The following GATA4 variants were observed in gnomAD, a reference collection of about 807,000 sequenced individuals.
GATA4 encodes GATA binding protein 4, also known as transcription factor GATA-4.
GATA4 carries 7 observed loss-of-function variants against 37.9 expected under a neutral mutation model. The observed-to-expected ratio is 0.18, with a 90% CI of 0.11 to 0.35. GATA4 has a LOEUF of 0.35. Among genes scored for constraint, GATA4 ranks in the 10% least tolerant of loss-of-function variants. GATA4 has a pLI of 1.00. For synonymous variants in GATA4, 372 were observed against 292.6 expected, an observed-to-expected ratio of 1.27 and a Z score of -2.77; for missense variants, 647 against 653.0, an observed-to-expected ratio of 0.99 and a Z score of 0.10.
chr8:11,750,457 A>C (rs1304391534), intron 4 of GATA4, among the ~76,000 whole-genome samples: 45 of 152,370 alleles, frequency 3.0e-4, no homozygotes, highest in Non-Finnish European at 2.9e-5. Context: ...TATATGTAGC[A>C]GTTTGATGTG....
At chr8:11,692,691 C>T (rs1799356464) in intron 1 of GATA4, 2 of 948,114 alleles carry the variant, frequency 2.1e-6, no homozygotes, top group Non-Finnish European at 2.5e-6. Context: ...GTGAGGGGTG[C>T]GGGGCTGCTC....
In GATA4 at chr8:11,739,749, G is replaced by GGAGCTTCTGTCGTGTGCA. The variant is rs1402955133; in HGVS notation, c.617-9150_617-9149insAGAGCTTCTGTCGTGTGC. Among the ~76,000 whole-genome samples, 365 of 115,614 alleles carry GGAGCTTCTGTCGTGTGCA rather than the reference G, an allele frequency of 3.2e-3. 2 individuals are homozygous for GGAGCTTCTGTCGTGTGCA. The highest frequency in any genetic ancestry group is 2.7e-3 in the Non-Finnish European group (155 of 56,532). 75.8% of individuals were successfully genotyped at this position (115,614 alleles called of 152,430 possible). A position where few individuals can be genotyped will look rare whatever the true frequency, so the allele number is the denominator to read the frequency against. ...TGTGTGCAGAGCTTCTGTCGTGTGC[G>GGAGCTTCTGTCGTGTGCA]GAGCTTCTGTCGTGTGCGGAGGAGT... is the stretch of plus-strand genomic sequence containing the variant. On this transcript the variant is annotated intron_variant, in intron 2 of 6. Coordinates refer to ENST00000532059, the MANE Select transcript of GATA4 (RefSeq NM_001308093.3).
intron 1 of GATA4, among the ~76,000 whole-genome samples, chr8:11,685,138 AAG>A (rs1799097800): frequency 6.6e-6 from 1 of 152,244 alleles, no homozygotes; most frequent in Non-Finnish European, 1.5e-5. Context: ...TCTAAACAAT[AAG>A]AGTTTACTTA....
intron 1 of GATA4, among the ~76,000 whole-genome samples, chr8:11,678,960 T>A (rs995896928): frequency 1.1e-4 from 17 of 152,236 alleles, no homozygotes; most frequent in African/African-American, 3.6e-4. Flanking sequence ...GTCTCAAGTA[T>A]AATAAAATAT....
At position 11,759,770 on chromosome 8, in the gene GATA4, C is replaced by G. The variant is rs1417473410; in HGVS notation, c.*1295C>G. 4.6e-5 allele frequency: 7 copies of G among 152,314 alleles called. No homozygotes were observed. The highest frequency in any genetic ancestry group is 1.7e-4 in the African/African-American group (7 of 41,454). 9.4% of individuals were successfully genotyped at this position (152,314 alleles called of 1,614,324 possible). A position where few individuals can be genotyped will look rare whatever the true frequency, so the allele number is the denominator to read the frequency against. On this transcript the variant is annotated 3_prime_UTR_variant, in exon 7 of 7. Transcript: ENST00000532059. ...TCTTTCTCAGCAGAGCTGTAGCTGA[C>G]TGTGGCATTACTACGCCTCCCCACA... is the stretch of plus-strand genomic sequence containing the variant.
At position 11,758,801 on chromosome 8, in the gene GATA4, G is replaced by T; in HGVS notation, c.*326G>T. On this transcript the variant is annotated 3_prime_UTR_variant, in exon 7 of 7. Coordinates refer to ENST00000532059, the MANE Select transcript of GATA4 (RefSeq NM_001308093.3). The stretch of plus-strand genomic sequence containing the variant: ...TGGCCTAGACCGTGGGTTTTGCATT[G>T]TGTTTCTAGCACCGAGGATCTGAGA... The T allele has an allele frequency of 2.6e-6, 1 of 391,936 alleles. No homozygotes were observed. The highest frequency in any genetic ancestry group is 4.9e-6 in the Non-Finnish European group (1 of 205,768). 24.3% of individuals were successfully genotyped at this position (391,936 alleles called of 1,614,324 possible). A position where few individuals can be genotyped will look rare whatever the true frequency, so the allele number is the denominator to read the frequency against.
At chr8:11,701,177 A>C (rs1046522886), upstream of GATA4, among the ~76,000 whole-genome samples, 1 of 151,012 alleles carries the variant, frequency 6.6e-6, no homozygotes, top group Non-Finnish European at 1.5e-5. Flanking sequence ...AGTACAGTAC[A>C]CCTAAGTAAT....
intron 2 of GATA4, among the ~76,000 whole-genome samples, chr8:11,728,423 C>A (rs758439079): frequency 2.6e-5 from 4 of 152,148 alleles, no homozygotes; most frequent in Non-Finnish European, 2.9e-5. Context: ...GGCTGGAGTG[C>A]GGTGCTGTGA....
intron 1 of GATA4, among the ~76,000 whole-genome samples, chr8:11,687,400 T>A (rs757090805): frequency 6.6e-6 from 1 of 152,154 alleles, no homozygotes; most frequent in Non-Finnish European, 1.5e-5. Flanking sequence ...TCTCCACCTG[T>A]AATCAAAATA....
At chr8:11,720,203 G>A (rs62489324) in intron 2 of GATA4, among the ~76,000 whole-genome samples, 3,076 of 151,814 alleles carry the variant, frequency 0.02, 61 homozygotes, top group African/African-American at 0.06. Flanking sequence ...ATGGTGAGAA[G>A]GACTGCTCTA....
At chr8:11,735,690 G>A (rs1801420918) in intron 2 of GATA4, among the ~76,000 whole-genome samples, 1 of 152,266 alleles carries the variant, frequency 6.6e-6, no homozygotes, top group Middle Eastern at 3.4e-3. Context: ...AGCCTCCCCA[G>A]TAGCTGGGAT....
chr8:11,696,748 T>C (rs1563192171), intron 1 of GATA4, among the ~76,000 whole-genome samples: 1 of 152,164 alleles, frequency 6.6e-6, no homozygotes, highest in East Asian at 1.9e-4. Flanking sequence ...TGCATCTGCA[T>C]TGGACGTGTG....
At chr8:11,682,556 G>A (rs1282266558) in intron 1 of GATA4, among the ~76,000 whole-genome samples, 1 of 152,140 alleles carries the variant, frequency 6.6e-6, no homozygotes, top group Non-Finnish European at 1.5e-5. Flanking sequence ...GATTTTGCTT[G>A]TAAGAAGTTT....
chr8:11,680,354 C>G (rs962239737), intron 1 of GATA4, among the ~76,000 whole-genome samples: 2 of 152,266 alleles, frequency 1.3e-5, no homozygotes, highest in Non-Finnish European at 2.9e-5. Context: ...GCCGGGGAAT[C>G]TCTGCAAGTA....
At chr8:11,699,509 G>A (rs1297575219), upstream of GATA4, among the ~76,000 whole-genome samples, 1 of 152,264 alleles carries the variant, frequency 6.6e-6, no homozygotes, top group Non-Finnish European at 1.5e-5. Flanking sequence ...GTAGGTGTTA[G>A]CAGCTCTTTC....
chr8:11,722,303 A>G (rs1239257684), intron 2 of GATA4, among the ~76,000 whole-genome samples: 1 of 152,242 alleles, frequency 6.6e-6, no homozygotes, highest in African/African-American at 2.4e-5. Flanking sequence ...AGCATATTCC[A>G]AACAGCATGT....
chr8:11,748,795 G>C, intron 2 of GATA4, 121 bp from the exon 3 acceptor site: 9 of 1,139,346 alleles, frequency 7.9e-6, no homozygotes, highest in Non-Finnish European at 1.2e-5. Context: ...GCCCGAGGTG[G>C]TCTTCTCTTT....
intron 4 of GATA4, 136 bp from the exon 5 acceptor site, chr8:11,754,910 T>C: frequency 8.4e-6 from 6 of 714,180 alleles, no homozygotes; most frequent in Non-Finnish European, 1.5e-5. Context: ...CAGGGGCCTG[T>C]GCAGCCCGTC....
chr8:11,704,708 G>A (rs62489318), intron 1 of GATA4, among the ~76,000 whole-genome samples: 4,148 of 152,338 alleles, frequency 0.027, 146 homozygotes, highest in African/African-American at 0.086. Context: ...CACATGGAGG[G>A]AAGTAGACGG....
Sources: gnomAD v4.1 joint callset for allele counts (sites outside exome capture counted in the v4.1 genomes callset) on GRCh38, gnomAD v4.1.1 for gene constraint, MANE v1.5 for transcripts, NCBI Gene and HGNC (gene_info 2026-07-23, HGNC 2026-07-21) for gene names.